The following TMEM117 variants were observed in gnomAD, a reference collection of about 807,000 sequenced individuals.
The protein encoded by TMEM117 is transmembrane protein 117.
In TMEM117, 27 loss-of-function variants were observed where a neutral mutation model predicts 52.4. The ratio of observed to expected loss-of-function variants is 0.51; its 90% CI spans 0.38 to 0.71. The LOEUF (loss-of-function observed/expected upper bound fraction) is 0.71. TMEM117 is among the 30% of genes least tolerant of loss of function. TMEM117 has a pLI of 0.00. For synonymous variants in TMEM117, 215 were observed against 206.3 expected, an observed-to-expected ratio of 1.04 and a Z score of -0.36; for missense variants, 556 against 630.5, an observed-to-expected ratio of 0.88 and a Z score of 1.26.
At chr12:43,859,215 G>C (rs1288731587) in intron 2 of TMEM117, among the ~76,000 whole-genome samples, 4 of 152,212 alleles carry the variant, frequency 2.6e-5, no homozygotes, top group African/African-American at 7.2e-5. Context: ...AACTCCAGCG[G>C]AATTCTGTTG....
At chr12:43,864,217 C>T (rs993930969) in intron 2 of TMEM117, among the ~76,000 whole-genome samples, 9 of 152,334 alleles carry the variant, frequency 5.9e-5, no homozygotes, top group South Asian at 2.1e-4. Context: ...TGAGCCTCCC[C>T]GACCAGCACC....
chr12:44,140,142 C>T (rs1592551704), intron 3 of TMEM117, among the ~76,000 whole-genome samples: 1 of 152,104 alleles, frequency 6.6e-6, no homozygotes, highest in East Asian at 1.9e-4. Flanking sequence ...TATCATATGT[C>T]CACAGCCACA....
intron 3 of TMEM117, among the ~76,000 whole-genome samples, chr12:44,057,659 A>G (rs901465041): frequency 6.6e-6 from 1 of 152,054 alleles, no homozygotes; most frequent in Non-Finnish European, 1.5e-5. Context: ...AAAAAAAAGA[A>G]TATGTCATTT....
chr12:43,947,844 A>G (rs935261343), intron 3 of TMEM117, among the ~76,000 whole-genome samples: 2 of 152,196 alleles, frequency 1.3e-5, no homozygotes, highest in Admixed American at 6.5e-5. Flanking sequence ...GTTCAGGACT[A>G]GAATGAATGG....
intron 2 of TMEM117, among the ~76,000 whole-genome samples, chr12:43,869,598 C>T (rs1321717777): frequency 2.0e-5 from 3 of 152,192 alleles, no homozygotes; most frequent in African/African-American, 7.2e-5. Flanking sequence ...CTCATTTTCT[C>T]CCTGTACTGT....
intron 2 of TMEM117, among the ~76,000 whole-genome samples, chr12:43,884,410 C>G (rs915472597): frequency 6.6e-6 from 1 of 152,064 alleles, no homozygotes; most frequent in Non-Finnish European, 1.5e-5. Context: ...CCCAAAAAGG[C>G]TATTTTTAGA....
At chr12:43,819,827 A>T in the TMEM117 span, among the ~76,000 whole-genome samples, 2 of 152,038 alleles carry the variant, frequency 1.3e-5, no homozygotes, top group South Asian at 4.1e-4. Flanking sequence ...GAAAGAAGGA[A>T]GGAAGGAGGG....
chr12:44,396,589 C>T, the TMEM117 span, among the ~76,000 whole-genome samples: 1 of 152,036 alleles, frequency 6.6e-6, no homozygotes. Context: ...TGCGGTGGCT[C>T]AAGCCTGTAA....
chr12:44,096,595 G>C (rs1273156093), intron 3 of TMEM117, among the ~76,000 whole-genome samples: 19 of 151,422 alleles, frequency 1.3e-4, no homozygotes, highest in East Asian at 7.7e-4. Context: ...ACAAACCTGA[G>C]AAAAACAAGC....
At chr12:44,174,601 T>C (rs1202597228) in intron 4 of TMEM117, among the ~76,000 whole-genome samples, 4 of 152,226 alleles carry the variant, frequency 2.6e-5, no homozygotes, top group African/African-American at 9.6e-5. Flanking sequence ...ATTCATTTAT[T>C]TATTTCTTCT....
At chr12:43,852,510 C>G (rs1217096538) in intron 2 of TMEM117, among the ~76,000 whole-genome samples, 8 of 152,094 alleles carry the variant, frequency 5.3e-5, no homozygotes, top group Admixed American at 6.6e-5. Context: ...GCTGAGGCAG[C>G]AAAATCACTT....
At chr12:43,802,584 A>T in the TMEM117 span, 1 of 752,956 alleles carries the variant, frequency 1.3e-6, no homozygotes, top group Non-Finnish European at 2.2e-6. Flanking sequence ...CACATCAAAA[A>T]GTTGAAAAGA....
Position 44,236,993 on chromosome 12 carries a change from G to A in TMEM117, c.608+25606G>A, listed in dbSNP as rs577826347. On this transcript the variant is annotated intron_variant, in intron 5 of 7. Transcript: ENST00000266534. ...TCAGCTTTCATTTTGAATCATGAGC[G>A]GTTCAAGGTTGCTAAAATCAGAGTT... 3.9e-5 allele frequency among the ~76,000 whole-genome samples: 6 copies of A among 152,118 alleles called. No homozygotes were observed. In the South Asian group the frequency reaches 8.3e-4, roughly 21 times the overall value.
intron 5 of TMEM117, among the ~76,000 whole-genome samples, chr12:44,251,085 A>C (rs1315287607): frequency 1.3e-5 from 2 of 152,134 alleles, no homozygotes; most frequent in East Asian, 3.9e-4. Context: ...TCAGCATTAC[A>C]TATTGTCTTG....
At chr12:44,247,107 A>G (rs1367769749) in intron 5 of TMEM117, among the ~76,000 whole-genome samples, 3 of 152,202 alleles carry the variant, frequency 2.0e-5, no homozygotes, top group Non-Finnish European at 4.4e-5. Flanking sequence ...CATTTAATAG[A>G]AAGTATTGGC....
At chr12:44,178,334 G>A (rs917582623) in intron 4 of TMEM117, among the ~76,000 whole-genome samples, 1 of 152,188 alleles carries the variant, frequency 6.6e-6, no homozygotes, top group African/African-American at 2.4e-5. Context: ...TACTGGCTAT[G>A]ATAACAGAAA....
intron 4 of TMEM117, among the ~76,000 whole-genome samples, chr12:44,195,617 T>C (rs1040774243): frequency 2.0e-5 from 3 of 151,870 alleles, no homozygotes; most frequent in African/African-American, 7.3e-5. Context: ...TAAAACAAAG[T>C]TGATATAGTT....
intron 5 of TMEM117, among the ~76,000 whole-genome samples, chr12:44,278,525 A>G (rs947316537): frequency 1.3e-5 from 2 of 152,188 alleles, no homozygotes; most frequent in Non-Finnish European, 2.9e-5. Context: ...CCATACATAT[A>G]TTACTGCAGC....
chr12:44,370,178 G>C (rs1442081367), intron 6 of TMEM117, among the ~76,000 whole-genome samples: 4 of 152,070 alleles, frequency 2.6e-5, no homozygotes, highest in Non-Finnish European at 5.9e-5. Flanking sequence ...TGACTAAAAG[G>C]GTGACTTGGT....
Sources: gnomAD v4.1 joint callset for allele counts (sites outside exome capture counted in the v4.1 genomes callset) on GRCh38, gnomAD v4.1.1 for gene constraint, MANE v1.5 for transcripts, NCBI Gene and HGNC (gene_info 2026-07-23, HGNC 2026-07-21) for gene names.